SLCO1C1: variants seen among roughly 807,000 people sequenced by gnomAD.
SLCO1C1 encodes OAT-RP-5.
SLCO1C1 carries 70 observed loss-of-function variants against 76.4 expected under a neutral mutation model. The observed-to-expected ratio is 0.92, with a 90% confidence interval of 0.76 to 1.12. The LOEUF is 1.12. SLCO1C1 is among the 50% of genes most tolerant of loss of function. The pLI is 0.00. For synonymous variants in SLCO1C1, 306 were observed against 286.1 expected, an observed-to-expected ratio of 1.07 and a Z score of -0.70; for missense variants, 912 against 823.8, an observed-to-expected ratio of 1.11 and a Z score of -1.31.
intron 13 of SLCO1C1, among the ~76,000 whole-genome samples, chr12:20,743,874 T>TA (rs1948928226): frequency 8.6e-6 from 1 of 115,796 alleles, no homozygotes; most frequent in Non-Finnish European, 2.1e-5. Context: ...GTAATTGAAA[T>TA]GTTTTTTCTG....
At chr12:20,705,638 G>C (rs1946736717) in intron 3 of SLCO1C1, among the ~76,000 whole-genome samples, 1 of 152,016 alleles carries the variant, frequency 6.6e-6, no homozygotes, top group African/African-American at 2.4e-5. Context: ...AAATATTTGA[G>C]AGGGAAGCTA....
chr12:20,698,890 C>G (rs940465453), intron 1 of SLCO1C1, among the ~76,000 whole-genome samples: 1 of 151,836 alleles, frequency 6.6e-6, no homozygotes, highest in Non-Finnish European at 1.5e-5. Flanking sequence ...CTGTGAGGGG[C>G]GGTGGGAAAT....
In SLCO1C1 at chr12:20,695,438, C is replaced by G. The variant is rs768270754; in HGVS notation, c.-395C>G. ...CTCTCCCATAAAGAAAGCTTTATCA[C>G]GTGTGGCCTTAAACTTGCAGCAAAT... On this transcript the variant is annotated 5_prime_UTR_variant, in exon 1 of 15. Coordinates refer to ENST00000266509, the MANE Select transcript of SLCO1C1 (RefSeq NM_017435.5). 1.3e-5 allele frequency: 2 copies of G among 152,108 alleles called. No homozygotes were observed. Among genetic ancestry groups the G allele is most frequent in the Non-Finnish European group, 2.9e-5 (2 of 68,022 alleles). 9.4% of individuals were successfully genotyped at this position (152,108 alleles called of 1,614,324 possible).
intron 6 of SLCO1C1, among the ~76,000 whole-genome samples, chr12:20,716,223 GA>G (rs759634314): frequency 3.1e-4 from 47 of 152,152 alleles, no homozygotes; most frequent in Non-Finnish European, 6.0e-4. Flanking sequence ...TACTCTAACA[GA>G]AAACTTCAGT....
chr12:20,711,224 T>C (rs1156537728), intron 4 of SLCO1C1, among the ~76,000 whole-genome samples, 162 bp from the exon 5 acceptor site: 1 of 152,204 alleles, frequency 6.6e-6, no homozygotes, highest in East Asian at 1.9e-4. Context: ...TGGCTACCTC[T>C]TCAGCAAAAT....
chr12:20,699,447 T>TCA, intron 1 of SLCO1C1, 105 bp from the exon 2 acceptor site: 1 of 932,050 alleles, frequency 1.1e-6, no homozygotes, highest in Non-Finnish European at 1.5e-6. Flanking sequence ...AAAGGTAGAT[T>TCA]CACTTTAAAT....
chr12:20,717,812 A>G (rs1248533725), intron 7 of SLCO1C1, among the ~76,000 whole-genome samples: 1 of 151,602 alleles, frequency 6.6e-6, no homozygotes, highest in African/African-American at 2.4e-5. Flanking sequence ...TGATTTTTCC[A>G]TAGCTAATAA....
chr12:20,752,183 T>C lies in SLCO1C1; in HGVS notation c.1917-123T>C, dbSNP rs1418784075. 5 of 638,822 alleles carry C rather than the reference T, an allele frequency of 7.8e-6. No homozygotes were observed. In the Admixed American group the frequency reaches 1.3e-4, roughly 17 times the overall value. 39.6% of individuals were successfully genotyped at this position (638,822 alleles called of 1,614,324 possible). On this transcript the variant is annotated intron_variant, in intron 14 of 14. Transcript: ENST00000266509. Reference sequence around the variant, plus strand: ...TCTGTCAGTATTTCATAAAACAGTCTTTTATATAAGCCACCAAATCTACAT... The same window carrying C: ...TCTGTCAGTATTTCATAAAACAGTCCTTTATATAAGCCACCAAATCTACAT...
At chr12:20,743,057 T>G (rs1050955927) in intron 12 of SLCO1C1, among the ~76,000 whole-genome samples, 6 of 152,218 alleles carry the variant, frequency 3.9e-5, no homozygotes, top group Admixed American at 1.3e-4. Context: ...CTAGCACCAT[T>G]TGAATATGGC....
Position 20,740,308 on chromosome 12 carries a change from C to G in SLCO1C1, c.1673C>G (p.Ser558Ter). The G allele has an allele frequency of 6.2e-7, 1 of 1,613,944 alleles. No homozygotes were observed. The highest frequency in any genetic ancestry group is 8.5e-7 in the Non-Finnish European group (1 of 1,179,934). The stretch of plus-strand genomic sequence containing the variant: ...ATGTTTCTGTATTTCCTTGTAATTT[C>G]AGTCATCACATCCTATACTTTATCC... Reference protein sequence around the residue: ...PQMFLYFLVISVITSYTLSLG... With the variant: ...PQMFLYFLVI The change falls in exon 12 of 15, where the codon TCA becomes TGA. Residue 558 changes from serine (S) to a stop codon, truncating the protein, a stop_gained. Coordinates refer to ENST00000266509, the MANE Select transcript of SLCO1C1 (RefSeq NM_017435.5). LOFTEE classifies it high-confidence loss of function.
At chr12:20,697,995 G>C (rs1023694868) in intron 1 of SLCO1C1, among the ~76,000 whole-genome samples, 1 of 151,840 alleles carries the variant, frequency 6.6e-6, no homozygotes, top group East Asian at 1.9e-4. Flanking sequence ...CTTTGTTTAG[G>C]GAATAGTTTC....
chr12:20,717,674 T>C (rs1413552683), intron 7 of SLCO1C1, among the ~76,000 whole-genome samples: 1 of 113,714 alleles, frequency 8.8e-6, no homozygotes, highest in African/African-American at 3.7e-5. Context: ...TTTTTTTTTT[T>C]TTTTTTTTTT....
intron 13 of SLCO1C1, among the ~76,000 whole-genome samples, chr12:20,745,422 T>C (rs576229634): frequency 2.6e-5 from 4 of 152,316 alleles, no homozygotes; most frequent in South Asian, 4.1e-4. Flanking sequence ...CTAATATCAA[T>C]ATTTTTATGT....
chr12:20,705,590 TA>T (rs1946733725), intron 3 of SLCO1C1, among the ~76,000 whole-genome samples: 1 of 151,410 alleles, frequency 6.6e-6, no homozygotes, highest in Non-Finnish European at 1.5e-5. Flanking sequence ...TTTTAATGAA[TA>T]AAGAAAAAAT....
In SLCO1C1 at chr12:20,723,228, C is replaced by A; in HGVS notation, c.1160C>A (p.Ser387Ter). The A allele has an allele frequency of 6.2e-7, 1 of 1,613,916 alleles. No homozygotes were observed. Among genetic ancestry groups the A allele is most frequent in the Admixed American group, 1.7e-5 (1 of 59,970 alleles). The change falls in exon 9 of 15, where the codon TCA (serine) becomes TAA (stop). Residue 387 changes from serine to a stop codon, truncating the protein, a stop_gained. Coordinates refer to ENST00000266509, the MANE Select transcript of SLCO1C1 (RefSeq NM_017435.5). LOFTEE classifies it high-confidence loss of function. ...TACATTGAGCAGCAGTATGGACAGT[C>A]ATCCTCCAGGGCCAACTTTGTGATC... ...PKYIEQQYGQ[S>*]SSRANFVIGL...
chr12:20,717,648 C>CTTTTTTTTTTTTTTTTTTTTTTT lies in SLCO1C1; in HGVS notation c.775+440_775+462dup, dbSNP rs534946900. Among the ~76,000 whole-genome samples the CTTTTTTTTTTTTTTTTTTTTTTT allele has an allele frequency of 9.5e-5, 4 of 42,276 alleles. 2 individuals are homozygous for CTTTTTTTTTTTTTTTTTTTTTTT. Among genetic ancestry groups the CTTTTTTTTTTTTTTTTTTTTTTT allele is most frequent in the African/African-American group, 1.4e-4 (2 of 14,812 alleles). The allele number at this position is 42,276 out of a possible 152,430, so 27.7% of individuals were successfully genotyped here. ...GTCTACTGGCAACCAAACAGCCCTT[C>CTTTTTTTTTTTTTTTTTTTTTTT]TTTTTTTTTTTTTTTTTTTTTTTTT... is the stretch of plus-strand genomic sequence containing the variant. On this transcript the variant is annotated intron_variant, in intron 7 of 14. Coordinates refer to ENST00000266509, the MANE Select transcript of SLCO1C1 (RefSeq NM_017435.5).
At chr12:20,708,326 A>T (rs991591247) in intron 4 of SLCO1C1, among the ~76,000 whole-genome samples, 1 of 152,144 alleles carries the variant, frequency 6.6e-6, no homozygotes, top group African/African-American at 2.4e-5. Context: ...ATATGTATAT[A>T]TATATAATTT....
intron 1 of SLCO1C1, among the ~76,000 whole-genome samples, chr12:20,696,509 G>A (rs1946272522): frequency 6.6e-6 from 1 of 152,092 alleles, no homozygotes; most frequent in African/African-American, 2.4e-5. Context: ...AATCTGGAGG[G>A]CTGATTTTGA....
chr12:20,722,447 G>C (rs564309493), intron 8 of SLCO1C1, among the ~76,000 whole-genome samples: 148 of 152,338 alleles, frequency 9.7e-4, no homozygotes, highest in Admixed American at 2.4e-3. Flanking sequence ...AATGATCAAA[G>C]GGGTGAGTGT....
Sources: gnomAD v4.1 joint callset for allele counts (sites outside exome capture counted in the v4.1 genomes callset) on GRCh38, gnomAD v4.1.1 for gene constraint, MANE v1.5 for transcripts, NCBI Gene and HGNC (gene_info 2026-07-23, HGNC 2026-07-21) for gene names.